The following GFRA1 variants were observed in gnomAD, a reference collection of about 807,000 sequenced individuals.
GFRA1 encodes the protein GDNF family receptor alpha-1.
Under a neutral mutation model 51.6 loss-of-function variants are expected in GFRA1, and 16 were observed. The observed-to-expected ratio is 0.31, with a 90% CI of 0.21 to 0.47. GFRA1 has a LOEUF of 0.47. Ranked by LOEUF, GFRA1 falls within the 20% of genes least tolerant of loss-of-function variation. The pLI is 1.00. For synonymous variants in GFRA1, 270 were observed against 241.3 expected (o/e 1.12, Z -1.10); for missense variants, 530 against 594.3 (o/e 0.89, Z 1.13).
chr10:116,110,268 A>T (rs1469390404), intron 6 of GFRA1, among the ~76,000 whole-genome samples: 2 of 151,690 alleles, frequency 1.3e-5, no homozygotes, highest in African/African-American at 4.8e-5. Flanking sequence ...TGAGCATTAA[A>T]CTCTGTGCCA....
At position 116,125,523 on chromosome 10, in the gene GFRA1, A is replaced by C; in HGVS notation, c.468T>G (p.Asp156Glu). The C allele has an allele frequency of 1.9e-6, 3 of 1,614,106 alleles. No homozygotes were observed. Among genetic ancestry groups the C allele is most frequent in the Non-Finnish European group, 2.5e-6 (3 of 1,180,016 alleles). ...CGTCGAGGTTGCAGGCCTTCGCTGCATCCAGGCAGTTGTTCCCTTTGGGAA... is the reference window on the plus strand; with the variant it reads ...CGTCGAGGTTGCAGGCCTTCGCTGCCTCCAGGCAGTTGTTCCCTTTGGGAA... The part of the protein sequence containing the change: ...EHIPKGNNCL[D>E]AAKACNLDDI... The change falls in exon 6 of 11, where the codon GAT (aspartate) becomes GAG (glutamate). Residue 156 changes from aspartate (D) to glutamate (E), a missense_variant. Transcript: ENST00000355422.
chr10:116,229,862 C>G (rs1966571958), intron 4 of GFRA1, among the ~76,000 whole-genome samples: 1 of 152,104 alleles, frequency 6.6e-6, no homozygotes, highest in African/African-American at 2.4e-5. Flanking sequence ...TTATTTTAAC[C>G]AGCTCTCACT....
chr10:116,188,316 T>C (rs1420871686), intron 5 of GFRA1, among the ~76,000 whole-genome samples: 2 of 152,196 alleles, frequency 1.3e-5, no homozygotes, highest in Non-Finnish European at 2.9e-5. Context: ...TTATCTGTGA[T>C]AAATCTGTCT....
At chr10:116,113,370 A>G (rs549876453) in intron 6 of GFRA1, among the ~76,000 whole-genome samples, 261 of 152,260 alleles carry the variant, frequency 1.7e-3, no homozygotes, top group African/African-American at 6.1e-3. Flanking sequence ...GCCCATTGAG[A>G]TCCTCAGTAA....
intron 5 of GFRA1, among the ~76,000 whole-genome samples, chr10:116,133,913 A>T (rs750132140): frequency 2.0e-5 from 3 of 152,182 alleles, no homozygotes; most frequent in Non-Finnish European, 2.9e-5. Context: ...CTTTATCTCA[A>T]ATACAATCCT....
intron 6 of GFRA1, among the ~76,000 whole-genome samples, chr10:116,124,870 GC>G (rs1357014444): frequency 8.5e-5 from 13 of 152,146 alleles, no homozygotes; most frequent in Admixed American, 8.5e-4. Context: ...ATCACTGGCA[GC>G]CCTCAGGACT....
At chr10:116,108,333 G>A (rs562984412) in intron 6 of GFRA1, among the ~76,000 whole-genome samples, 1 of 152,204 alleles carries the variant, frequency 6.6e-6, no homozygotes, top group African/African-American at 2.4e-5. Context: ...TATCACTATT[G>A]CTCAGGAGAC....
intron 5 of GFRA1, among the ~76,000 whole-genome samples, chr10:116,202,349 G>A (rs959520033): frequency 6.6e-6 from 1 of 152,164 alleles, no homozygotes; most frequent in Non-Finnish European, 1.5e-5. Context: ...TATCTATAAG[G>A]AGCATTGGGC....
chr10:116,176,382 G>T (rs770457020), intron 5 of GFRA1, among the ~76,000 whole-genome samples: 22 of 152,174 alleles, frequency 1.4e-4, no homozygotes, highest in Non-Finnish European at 2.5e-4. Flanking sequence ...TGGAGGTGCA[G>T]CCTGGTGGGA....
At chr10:116,138,108 A>G (rs1958410270) in intron 5 of GFRA1, among the ~76,000 whole-genome samples, 2 of 151,914 alleles carry the variant, frequency 1.3e-5, no homozygotes, top group Admixed American at 6.6e-5. Context: ...GCCTGTATGT[A>G]TTTTTTAATG....
chr10:116,072,690 G>A (rs1955455533), intron 9 of GFRA1, among the ~76,000 whole-genome samples: 2 of 152,254 alleles, frequency 1.3e-5, no homozygotes, highest in South Asian at 2.1e-4. Flanking sequence ...GAACCCGGGA[G>A]GGGGAGGTTG....
In GFRA1 at chr10:116,224,822, A is replaced by C. The variant is rs138496543; in HGVS notation, c.419-13177T>G. 8.4e-3 allele frequency among the ~76,000 whole-genome samples: 1,277 copies of C among 152,308 alleles called. 16 individuals carry two copies. Among genetic ancestry groups the C allele is most frequent in the African/African-American group, 0.026 (1,088 of 41,560 alleles). On this transcript the variant is annotated intron_variant, in intron 4 of 10. Coordinates refer to ENST00000355422, the MANE Select transcript of GFRA1 (RefSeq NM_005264.8). ...TTAACTGTACACTTTAAATGGGTGA[A>C]TTGTACAGTGTGTGAAGTCCTGGGT...
rs778802365 is a variant in GFRA1, at chr10:116,077,118, T to C, written c.1198-11492A>G. Reference sequence around the variant, plus strand: ...TGTGATCAAGAGGCCATCTGTAAAATGAAAATCTTCTCTGGAGAGAACCAA... The same window carrying C: ...TGTGATCAAGAGGCCATCTGTAAAACGAAAATCTTCTCTGGAGAGAACCAA... On this transcript the variant is annotated intron_variant, in intron 9 of 10. Transcript: ENST00000355422. Among the ~76,000 whole-genome samples, 7 of 152,112 alleles carry C rather than the reference T, an allele frequency of 4.6e-5. 1 individual carries two copies. The highest frequency in any genetic ancestry group is 3.9e-4 in the East Asian group (2 of 5,188).
intron 4 of GFRA1, among the ~76,000 whole-genome samples, chr10:116,242,605 C>T (rs1440598507): frequency 6.6e-6 from 1 of 152,032 alleles, no homozygotes; most frequent in East Asian, 1.9e-4. Flanking sequence ...CCTCAGCCTC[C>T]CAAGTAGCTG....
chr10:116,089,644 A>G, intron 9 of GFRA1, 97 bp downstream of exon 9: 3 of 1,018,936 alleles, frequency 2.9e-6, no homozygotes, highest in African/African-American at 1.6e-5. Flanking sequence ...AGCATTCGTC[A>G]TCTCTCTCTG....
At chr10:116,096,881 GCA>G (rs1032555165) in intron 6 of GFRA1, 117 bp from the exon 7 acceptor site, 49 of 217,864 alleles carry the variant, frequency 2.2e-4, no homozygotes, top group East Asian at 2.1e-3. Flanking sequence ...ACACGCACAC[GCA>G]CACACACACA....
intron 4 of GFRA1, among the ~76,000 whole-genome samples, chr10:116,224,787 TA>T (rs1277560899): frequency 1.3e-5 from 2 of 152,162 alleles, no homozygotes; most frequent in Admixed American, 1.3e-4. Flanking sequence ...CTGAATATAC[TA>T]AAATCCATTT....
At chr10:116,145,148 CAAA>C (rs58509181) in intron 5 of GFRA1, among the ~76,000 whole-genome samples, 15 of 28,736 alleles carry the variant, frequency 5.2e-4, no homozygotes, top group Non-Finnish European at 4.0e-4. Context: ...GACTCTGTCT[CAAA>C]AAAAAAAAAA....
At chr10:116,219,835 C>A (rs1286445073) in intron 4 of GFRA1, among the ~76,000 whole-genome samples, 1 of 152,068 alleles carries the variant, frequency 6.6e-6, no homozygotes, top group African/African-American at 2.4e-5. Flanking sequence ...TAAAAGTGAG[C>A]CCCTGGATAT....
Sources: gnomAD v4.1 joint callset for allele counts (sites outside exome capture counted in the v4.1 genomes callset) on GRCh38, gnomAD v4.1.1 for gene constraint, MANE v1.5 for transcripts, NCBI Gene and HGNC (gene_info 2026-07-23, HGNC 2026-07-21) for gene names.